PLCH2: variants seen among roughly 807,000 people sequenced by gnomAD.
The protein encoded by PLCH2 is 1-phosphatidylinositol 4,5-bisphosphate phosphodiesterase eta-2.
In PLCH2, 98 loss-of-function variants were observed where a neutral mutation model predicts 134.7. That is an observed-to-expected ratio of 0.73 (90% CI 0.62 to 0.86). The LOEUF (loss-of-function observed/expected upper bound fraction) is 0.86, where lower values mean the gene tolerates loss of function less well. Ranked by LOEUF, PLCH2 falls within the 40% of genes least tolerant of loss-of-function variation. The pLI, the probability that PLCH2 is intolerant of heterozygous loss-of-function variation, is 0.00. For synonymous variants in PLCH2, 974 were observed against 827.5 expected (o/e 1.18, Z -3.04); for missense variants, 1,994 against 1,986.6 (o/e 1.00, Z -0.07).
At chr1:2,445,337 C>T (rs1226484853) in intron 2 of PLCH2, among the ~76,000 whole-genome samples, 1 of 152,140 alleles carries the variant, frequency 6.6e-6, no homozygotes, top group Non-Finnish European at 1.5e-5. Flanking sequence ...GGGAGGGAGA[C>T]TGGCGCCTGC....
chr1:2,467,866 C>T (rs982848554), intron 1 of PLCH2, among the ~76,000 whole-genome samples: 2 of 152,164 alleles, frequency 1.3e-5, no homozygotes, highest in African/African-American at 2.4e-5. Flanking sequence ...ATCCCTCAGA[C>T]TCGGTCCCAG....
chr1:2,479,570 A>T, intron 2 of PLCH2, 164 bp from the exon 3 acceptor site: 2 of 650,906 alleles, frequency 3.1e-6, no homozygotes, highest in Non-Finnish European at 2.6e-6. Flanking sequence ...AGTCTCGCAG[A>T]TCTTCACCCT....
intron 5 of PLCH2, among the ~76,000 whole-genome samples, chr1:2,484,833 G>A (rs891625073): frequency 1.3e-5 from 2 of 152,172 alleles, no homozygotes; most frequent in Non-Finnish European, 2.9e-5. Flanking sequence ...CCCCAAGTTG[G>A]CTTTAGTTTT....
the PLCH2 span, among the ~76,000 whole-genome samples, chr1:2,416,966 G>C: frequency 6.6e-6 from 1 of 152,166 alleles, no homozygotes; most frequent in Admixed American, 6.5e-5. Flanking sequence ...CTGCTCTTAG[G>C]ACCTTGAGGG....
At position 2,498,948 on chromosome 1, in the gene PLCH2, C is replaced by T; in HGVS notation, c.2434+120C>T. The T allele has an allele frequency of 7.3e-7, 1 of 1,374,694 alleles. No homozygotes were observed. Among genetic ancestry groups the T allele is most frequent in the Non-Finnish European group, 1.0e-6 (1 of 994,482 alleles). The allele number at this position is 1,374,694 out of a possible 1,614,324, so 85.2% of individuals were successfully genotyped here. ...TCCCTCAGTGACAGTCCTGGGCGCCCTCCCCTCTAGGTGGGCAGTCCCGGA... is the reference window on the plus strand; with the variant it reads ...TCCCTCAGTGACAGTCCTGGGCGCCTTCCCCTCTAGGTGGGCAGTCCCGGA... On this transcript the variant is annotated intron_variant, in intron 18 of 21. Transcript: ENST00000378486. The surrounding 1 kb of genome is among the most constrained non-coding windows in gnomAD (Gnocchi z 5.4).
At chr1:2,494,814 A>G (rs867929998) in intron 11 of PLCH2, 42 bp from the exon 12 acceptor site, 2 of 1,441,300 alleles carry the variant, frequency 1.4e-6, no homozygotes, top group African/African-American at 1.4e-5. Context: ...TGCCTGGTTC[A>G]AGGCTAGACT....
At chr1:2,447,545 G>A (rs1639998496) in intron 2 of PLCH2, among the ~76,000 whole-genome samples, 1 of 152,248 alleles carries the variant, frequency 6.6e-6, no homozygotes. Context: ...GCTCCAGGGA[G>A]GGGCCGCTGA....
chr1:2,504,885 T>C lies in PLCH2; in HGVS notation c.3923T>C (p.Val1308Ala). 6.3e-7 allele frequency: 1 copy of C among 1,590,794 alleles called. No individual in the cohort carries two copies. The highest frequency in any genetic ancestry group is 1.1e-5 in the South Asian group (1 of 88,816). The change falls in exon 22 of 22, where the codon GTC becomes GCC. Residue 1308 changes from valine to alanine, a missense_variant. Val to Ala is a moderately conservative substitution (Grantham distance 64). Around this residue, in one of 2 missense-constraint regions of PLCH2, gnomAD observed 900 missense variants for 752.3 expected, o/e 1.20. Coordinates refer to ENST00000378486, the MANE Select transcript of PLCH2 (RefSeq NM_014638.4). The part of the protein sequence containing the change: ...TLTEQLRWLT[V>A]FQQAGDITSP... ...ACAGAGCAGCTGCGCTGGCTCACTG[T>C]CTTCCAGCAGGCAGGAGACATCACG...
At chr1:2,473,730 G>T (rs936575073), upstream of PLCH2, among the ~76,000 whole-genome samples, 1 of 152,244 alleles carries the variant, frequency 6.6e-6, no homozygotes, top group East Asian at 1.9e-4. Flanking sequence ...CCGGGGTCAG[G>T]CAGTGCTCTG....
intron 2 of PLCH2, among the ~76,000 whole-genome samples, chr1:2,442,179 G>A (rs1325058342): frequency 6.6e-6 from 1 of 152,142 alleles, no homozygotes; most frequent in Non-Finnish European, 1.5e-5. Context: ...GCTTGGGGGA[G>A]TCAGAAACCT....
intron 2 of PLCH2, among the ~76,000 whole-genome samples, chr1:2,431,368 G>A (rs1169633780): frequency 1.3e-5 from 2 of 152,144 alleles, no homozygotes; most frequent in African/African-American, 2.4e-5. Flanking sequence ...GTGCATGCCT[G>A]TGCCTCACAG....
chr1:2,505,260 G>T lies in PLCH2; in HGVS notation c.*47G>T, dbSNP rs911525842. On this transcript the variant is annotated 3_prime_UTR_variant, in exon 22 of 22. Coordinates refer to ENST00000378486, the MANE Select transcript of PLCH2 (RefSeq NM_014638.4). ...GCGGCTCTGGAGGCCCAGGGCAGGG[G>T]TGGGCGTGTTGTTTGCTCAGGAAAC... The T allele has an allele frequency of 3.5e-6, 5 of 1,438,192 alleles. No individual in the cohort carries two copies. Among genetic ancestry groups the T allele is most frequent in the Non-Finnish European group, 4.7e-6 (5 of 1,066,188 alleles). The allele number at this position is 1,438,192 out of a possible 1,614,324, so 89.1% of individuals were successfully genotyped here. A position where few individuals can be genotyped will look rare whatever the true frequency, so the allele number is the denominator to read the frequency against.
In PLCH2 at chr1:2,442,417, G is replaced by A. The variant is rs117557286; in HGVS notation, c.115+11788G>A. Among the ~76,000 whole-genome samples the A allele has an allele frequency of 3.4e-3, 522 of 152,306 alleles. 7 individuals carry two copies. The highest frequency in any genetic ancestry group is 0.018 in the East Asian group (92 of 5,178). ...CGGCAACACTGGTCCTGAGTGACAC[G>A]CTCCCACGCACCCCTACCCCACCCC... On this transcript the variant is annotated intron_variant, in intron 2 of 3. Transcript: ENST00000609981.
At chr1:2,420,828 CCTT>C in the PLCH2 span, among the ~76,000 whole-genome samples, 5 of 152,328 alleles carry the variant, frequency 3.3e-5, no homozygotes, top group African/African-American at 4.8e-5. Context: ...CCTTGGGACT[CCTT>C]CTGAGGAGCG....
Position 2,495,090 on chromosome 1 carries a change from G to C in PLCH2, c.1752+142G>C, listed in dbSNP as rs546318314. ...AGTGGGCCCTGCCCCAGCCAGAGCAGATGGGGGTCTCCTCCAGTCCCCAGG... is the reference window on the plus strand; with the variant it reads ...AGTGGGCCCTGCCCCAGCCAGAGCACATGGGGGTCTCCTCCAGTCCCCAGG... On this transcript the variant is annotated intron_variant, in intron 12 of 21. Transcript: ENST00000378486. The C allele has an allele frequency of 5.6e-5, 36 of 637,534 alleles. No homozygotes were observed. The East Asian group carries it at 9.3e-4, about 16-fold the overall frequency. 39.5% of individuals were successfully genotyped at this position (637,534 alleles called of 1,614,324 possible).
rs566449945 is a variant in PLCH2 at position 2,476,526 on chromosome 1, C to T, written c.-63C>T. 2,435 of 1,425,042 alleles carry T rather than the reference C, an allele frequency of 1.7e-3. 8 individuals carry two copies. Among genetic ancestry groups the T allele is most frequent in the South Asian group, 5.8e-3 (394 of 67,370 alleles). 88.3% of individuals were successfully genotyped at this position (1,425,042 alleles called of 1,614,324 possible). A position where few individuals can be genotyped will look rare whatever the true frequency, so the allele number is the denominator to read the frequency against. ...GCCAGCGCTGCCACTGCCTGACCTCCGCTGCCCGAAGGCCGGTGGGCCTCT... is the reference window on the plus strand; with the variant it reads ...GCCAGCGCTGCCACTGCCTGACCTCTGCTGCCCGAAGGCCGGTGGGCCTCT... On this transcript the variant is annotated 5_prime_UTR_variant, in exon 1 of 22. Coordinates refer to ENST00000378486, the MANE Select transcript of PLCH2 (RefSeq NM_014638.4).
intron 21 of PLCH2, chr1:2,503,195 A>G: frequency 1.7e-6 from 1 of 590,468 alleles, no homozygotes; most frequent in Non-Finnish European, 3.1e-6. Context: ...TGGGGCCGGG[A>G]CTGTGGCCTG....
At chr1:2,454,532 A>C (rs1475326723) in intron 2 of PLCH2, among the ~76,000 whole-genome samples, 1 of 152,128 alleles carries the variant, frequency 6.6e-6, no homozygotes, top group African/African-American at 2.4e-5. Flanking sequence ...CCAGCAATGC[A>C]CCGAGTGGAC....
chr1:2,474,005 G>T (rs776945561), upstream of PLCH2, among the ~76,000 whole-genome samples: 1 of 152,154 alleles, frequency 6.6e-6, no homozygotes, highest in Admixed American at 6.5e-5. Context: ...GGGCCCCTGT[G>T]TGGAACCACA....
Sources: allele counts gnomAD v4.1 joint callset (sites outside exome capture counted in the v4.1 genomes callset), GRCh38; gene constraint gnomAD v4.1.1; regional missense constraint gnomAD v4.1.1; non-coding constraint Gnocchi (gnomAD v3.1); transcripts MANE v1.5; gene names NCBI Gene and HGNC (gene_info 2026-07-23, HGNC 2026-07-21).